ZC3H7A: variants seen among roughly 807,000 people sequenced by gnomAD.
ZC3H7A encodes the protein zinc finger CCCH-type containing 7A.
A neutral mutation model predicts 125.5 loss-of-function variants in ZC3H7A; 44 were observed. The ratio of observed to expected loss-of-function variants is 0.35; its 90% CI spans 0.28 to 0.45. ZC3H7A has a LOEUF of 0.45. Ranked by LOEUF, ZC3H7A falls within the 20% of genes least tolerant of loss-of-function variation. The pLI is 1.00. For synonymous variants in ZC3H7A, 399 were observed against 391.2 expected (o/e 1.02, Z -0.23); for missense variants, 977 against 1,170.7 (o/e 0.83, Z 2.41).
At chr16:11,779,788 G>A (rs953398304) in intron 3 of ZC3H7A, among the ~76,000 whole-genome samples, 2 of 152,038 alleles carry the variant, frequency 1.3e-5, no homozygotes, top group Admixed American at 1.3e-4. Flanking sequence ...GGTAGTGTGT[G>A]TGTGTGTACA....
At chr16:11,779,587 T>C (rs1338929285) in intron 3 of ZC3H7A, among the ~76,000 whole-genome samples, 1 of 152,164 alleles carries the variant, frequency 6.6e-6, no homozygotes, top group Admixed American at 6.6e-5. Context: ...TTAAGAAAAA[T>C]GCAGCAAAGT....
intron 8 of ZC3H7A, 42 bp from the exon 9 acceptor site, chr16:11,774,561 C>A: frequency 6.8e-7 from 1 of 1,474,710 alleles, no homozygotes; most frequent in South Asian, 1.5e-5. Flanking sequence ...TTTCATCGTA[C>A]TTACATAATA....
chr16:11,761,413 T>C lies in ZC3H7A; in HGVS notation c.2312A>G (p.Gln771Arg). ...TAAAAATTACGTATGTACATCAAACTGTAAAGGCATTTGTTTCTTTGTGGG... is the reference window on the plus strand; with the variant it reads ...TAAAAATTACGTATGTACATCAAACCGTAAAGGCATTTGTTTCTTTGTGGG... ...PLPTKKQMPLQFDLCNHIASG... is the reference protein window; with the variant it reads ...PLPTKKQMPLRFDLCNHIASG... Residue 771 changes from glutamine (Q) to arginine (R), a missense_variant, in exon 19 of 23, where the codon CAG (glutamine) becomes CGG (arginine). Physicochemically the swap from Gln to Arg is conservative, Grantham distance 43. Transcript: ENST00000355758. 1 of 1,614,020 alleles carries C rather than the reference T, an allele frequency of 6.2e-7. No homozygotes were observed. Among genetic ancestry groups the C allele is most frequent in the Non-Finnish European group, 8.5e-7 (1 of 1,179,922 alleles).
intron 4 of ZC3H7A, among the ~76,000 whole-genome samples, chr16:11,777,854 T>C (rs961345399): frequency 6.6e-6 from 1 of 151,750 alleles, no homozygotes; most frequent in Non-Finnish European, 1.5e-5. Context: ...ACCCCGTCTC[T>C]ACTAAAAATA....
rs539412016 is a variant in ZC3H7A at position 11,756,509 on chromosome 16, T to G, written c.2429-139A>C. On this transcript the variant is annotated intron_variant, in intron 20 of 22. Coordinates refer to ENST00000355758, the MANE Select transcript of ZC3H7A (RefSeq NM_014153.4). ...CTGAAGGAGACTATTATATTAGACATGGAGAGATCACCCAGTTCAAGCAGC... is the reference window on the plus strand; with the variant it reads ...CTGAAGGAGACTATTATATTAGACAGGGAGAGATCACCCAGTTCAAGCAGC... 10 of 1,086,616 alleles carry G rather than the reference T, an allele frequency of 9.2e-6. No homozygotes were observed. In the Admixed American group the frequency reaches 2.1e-4, roughly 23 times the overall value. 67.3% of individuals were successfully genotyped at this position (1,086,616 alleles called of 1,614,324 possible).
intron 21 of ZC3H7A, among the ~76,000 whole-genome samples, chr16:11,755,726 C>T (rs1323325916): frequency 6.6e-6 from 1 of 152,032 alleles, no homozygotes; most frequent in Non-Finnish European, 1.5e-5. Flanking sequence ...TTCTCTGGCT[C>T]CAAAGTCAGA....
rs189072123 is a variant in ZC3H7A at position 11,765,333 on chromosome 16, A to G, written c.1719+156T>C. On this transcript the variant is annotated intron_variant, in intron 14 of 22. Coordinates refer to ENST00000355758, the MANE Select transcript of ZC3H7A (RefSeq NM_014153.4). This position sits in a 1 kb window ranked among gnomAD's most constrained non-coding sequence, Gnocchi z 4.8. Reference sequence around the variant, plus strand: ...GAATGTTTTATCACATGGGAGGACCAGAGGAATATTTTATTCATAAATATG... The same window carrying G: ...GAATGTTTTATCACATGGGAGGACCGGAGGAATATTTTATTCATAAATATG... 2.0e-5 allele frequency among the ~76,000 whole-genome samples: 3 copies of G among 152,346 alleles called. No individual in the cohort carries two copies. The highest frequency in any genetic ancestry group is 2.0e-4 in the Admixed American group (3 of 15,312).
At position 11,765,410 on chromosome 16, in the gene ZC3H7A, G is replaced by A; in HGVS notation, c.1719+79C>T. 1.0e-6 allele frequency: 1 copy of A among 1,003,196 alleles called. No individual in the cohort carries two copies. Among genetic ancestry groups the A allele is most frequent in the South Asian group, 2.2e-5 (1 of 46,002 alleles). The allele number at this position is 1,003,196 out of a possible 1,614,324, so 62.1% of individuals were successfully genotyped here. ...ATATTTATTCATTTACCAAGTGAAT[G>A]TTTTATCACATGGCAGGACAATACC... On this transcript the variant is annotated intron_variant, in intron 14 of 22. Coordinates refer to ENST00000355758, the MANE Select transcript of ZC3H7A (RefSeq NM_014153.4). The surrounding 1 kb of genome is among the most constrained non-coding windows in gnomAD (Gnocchi z 4.8).
At chr16:11,773,701 T>C (rs1380335230) in intron 9 of ZC3H7A, among the ~76,000 whole-genome samples, 1 of 151,652 alleles carries the variant, frequency 6.6e-6, no homozygotes, top group African/African-American at 2.4e-5. Context: ...GCTAAGGCAG[T>C]GAAACCCCAT....
At chr16:11,754,035 A>C (rs1044693409) in intron 21 of ZC3H7A, 1 of 152,090 alleles carries the variant, frequency 6.6e-6, no homozygotes, top group African/African-American at 2.4e-5. Context: ...TCATGCCTAT[A>C]ATCACAGCAC....
At chr16:11,791,118 C>T (rs1048431785) in intron 1 of ZC3H7A, among the ~76,000 whole-genome samples, 5 of 151,660 alleles carry the variant, frequency 3.3e-5, no homozygotes, top group Non-Finnish European at 7.4e-5. Context: ...CACACACACA[C>T]ACACACACAC....
chr16:11,762,815 G>A (rs925924373), intron 16 of ZC3H7A, 68 bp from the exon 17 acceptor site: 1 of 1,487,326 alleles, frequency 6.7e-7, no homozygotes, highest in Non-Finnish European at 9.3e-7. Context: ...TCTGGGTGCA[G>A]TCAGACGTGG....
chr16:11,762,033 T>C lies in ZC3H7A; in HGVS notation c.2090A>G (p.Asn697Ser). The change falls in exon 18 of 23, where the codon AAT becomes AGT. Residue 697 changes from asparagine (N) to serine (S), a missense_variant. By Grantham distance (46) the Asn-to-Ser change is conservative. Transcript: ENST00000355758. ...ANVPGAQVLG[N>S]QIMPGFLNMK... is the part of the protein sequence containing the mutation. ...ATTAAGAAATCCAGGCATTATTTGA[T>C]TACCAAGTACCTTAAACAATTAAAA... 1.2e-6 allele frequency: 2 copies of C among 1,609,308 alleles called. No homozygotes were observed. The highest frequency in any genetic ancestry group is 1.7e-6 in the Non-Finnish European group (2 of 1,178,304).
chr16:11,767,834 T>A (rs1048419273), intron 12 of ZC3H7A, among the ~76,000 whole-genome samples: 1 of 152,204 alleles, frequency 6.6e-6, no homozygotes. Flanking sequence ...AGGGAAATAA[T>A]CTGGAGAGGA....
At chr16:11,768,946 G>A (rs1432203871) in intron 11 of ZC3H7A, 85 bp downstream of exon 11, 4 of 1,362,282 alleles carry the variant, frequency 2.9e-6, no homozygotes, top group Admixed American at 4.4e-5. Context: ...AAGGGAGACT[G>A]TCATGTTCAT....
chr16:11,752,185 C>CGTA (rs1425143891), intron 22 of ZC3H7A, among the ~76,000 whole-genome samples: 2 of 152,226 alleles, frequency 1.3e-5, no homozygotes, highest in Non-Finnish European at 2.9e-5. Flanking sequence ...GGATTACAGG[C>CGTA]GTAGCCACCA....
At chr16:11,759,421 GCC>G (rs1176307002) in intron 19 of ZC3H7A, 1 of 152,180 alleles carries the variant, frequency 6.6e-6, no homozygotes, top group African/African-American at 2.4e-5. Context: ...AACTCGCTCA[GCC>G]CCCTTAACAC....
At chr16:11,789,648 A>AAC (rs759372408) in intron 1 of ZC3H7A, among the ~76,000 whole-genome samples, 4 of 152,178 alleles carry the variant, frequency 2.6e-5, no homozygotes, top group Non-Finnish European at 1.5e-5. Context: ...TCGTTTTCAA[A>AAC]ACACACAGCG....
chr16:11,767,053 C>T (rs1294286337), intron 13 of ZC3H7A, among the ~76,000 whole-genome samples: 2 of 152,116 alleles, frequency 1.3e-5, no homozygotes, highest in East Asian at 3.8e-4. Context: ...GTAGCAAGCA[C>T]AGTCCTACAC....
Sources: gnomAD v4.1 joint callset for allele counts (sites outside exome capture counted in the v4.1 genomes callset) on GRCh38, gnomAD v4.1.1 for gene constraint, Gnocchi (gnomAD v3.1) non-coding constraint, MANE v1.5 for transcripts, NCBI Gene and HGNC (gene_info 2026-07-23, HGNC 2026-07-21) for gene names.